IFTAP: variants seen among roughly 807,000 people sequenced by gnomAD.
IFTAP encodes intraflagellar transport-associated protein.
In IFTAP, 19 loss-of-function variants were observed where a neutral mutation model predicts 19.4. That is an observed-to-expected ratio of 0.98 (90% confidence interval 0.68 to 1.44). IFTAP has a LOEUF of 1.44. IFTAP is among the 40% of genes most tolerant of loss of function. The pLI, the probability that IFTAP is intolerant of heterozygous loss-of-function variation, is 0.00. For missense variants in IFTAP, 240 were observed against 253.6 expected, an observed-to-expected ratio of 0.95 and a Z score of 0.36; for synonymous variants, 85 against 83.5, an observed-to-expected ratio of 1.02 and a Z score of -0.10.
chr11:36,606,625 GA>G (rs149475620), intron 1 of IFTAP, among the ~76,000 whole-genome samples: 6,222 of 152,208 alleles, frequency 0.041, 415 homozygotes, highest in African/African-American at 0.14. Flanking sequence ...TTAAGAAGTG[GA>G]AAAGAAGGTT....
chr11:36,616,333 A>G (rs936737247), intron 2 of IFTAP, among the ~76,000 whole-genome samples: 2 of 151,792 alleles, frequency 1.3e-5, no homozygotes, highest in Admixed American at 1.3e-4. Context: ...TCTTTATGCT[A>G]TTCTCATTTC....
chr11:36,657,637 C>A (rs1476115981), intron 5 of IFTAP, among the ~76,000 whole-genome samples: 1 of 152,128 alleles, frequency 6.6e-6, no homozygotes, highest in Non-Finnish European at 1.5e-5. Flanking sequence ...TACCCTGGAT[C>A]CAAATATTGC....
intron 4 of IFTAP, among the ~76,000 whole-genome samples, chr11:36,644,865 G>A (rs1168768824): frequency 7.8e-6 from 1 of 127,486 alleles, no homozygotes; most frequent in African/African-American, 2.9e-5. Flanking sequence ...TGGGGGGAGG[G>A]GGAGGGATAG....
chr11:36,600,107 A>G (rs1192192484), intron 1 of IFTAP, among the ~76,000 whole-genome samples: 1 of 152,252 alleles, frequency 6.6e-6, no homozygotes, highest in African/African-American at 2.4e-5. Context: ...CTATACCATT[A>G]GGAGAGCATT....
In IFTAP at chr11:36,657,118, A is replaced by G. The variant is rs141553071; in HGVS notation, c.499-1901A>G. On this transcript the variant is annotated intron_variant, in intron 5 of 5. Coordinates refer to ENST00000334307, the MANE Select transcript of IFTAP (RefSeq NM_138787.4). The stretch of plus-strand genomic sequence containing the variant: ...GGCATGAAAGGGCAGCAAAATTCCC[A>G]TCAGACTGAATATATTGGTGGAAAC... 2.1e-3 allele frequency among the ~76,000 whole-genome samples: 315 copies of G among 152,296 alleles called. 2 individuals carry two copies. The highest frequency in any genetic ancestry group is 6.8e-3 in the African/African-American group (283 of 41,574).
At chr11:36,656,568 TA>T (rs202140471) in intron 5 of IFTAP, among the ~76,000 whole-genome samples, 16,460 of 148,072 alleles carry the variant, frequency 0.11, 1,008 homozygotes, top group African/African-American at 0.16. Context: ...AGTCTCTGTT[TA>T]AAAAAAAAAA....
At chr11:36,634,937 TC>T (rs1297686898) in intron 3 of IFTAP, among the ~76,000 whole-genome samples, 2 of 152,028 alleles carry the variant, frequency 1.3e-5, no homozygotes, top group Non-Finnish European at 2.9e-5. Context: ...ATGACTCCAG[TC>T]CCCATTAGCA....
chr11:36,655,338 C>T (rs192611457), intron 5 of IFTAP, among the ~76,000 whole-genome samples: 19 of 152,304 alleles, frequency 1.2e-4, no homozygotes, highest in East Asian at 1.2e-3. Flanking sequence ...TGTTCCAAGA[C>T]GCCTTCTCTG....
chr11:36,617,219 A>T (rs1488088666), intron 2 of IFTAP, among the ~76,000 whole-genome samples: 1 of 148,300 alleles, frequency 6.7e-6, no homozygotes, highest in Non-Finnish European at 1.5e-5. Context: ...ATTTATTTGT[A>T]TATTTATTTT....
intron 2 of IFTAP, 138 bp downstream of exon 2, chr11:36,610,377 AC>A: frequency 5.3e-6 from 4 of 756,094 alleles, no homozygotes; most frequent in South Asian, 2.0e-5. Context: ...TTACTAGGGC[AC>A]TCGTGACTGA....
intron 2 of IFTAP, among the ~76,000 whole-genome samples, chr11:36,611,613 T>G (rs188398500): frequency 1.1e-4 from 16 of 152,244 alleles, no homozygotes; most frequent in Non-Finnish European, 1.8e-4. Flanking sequence ...AATATGATTC[T>G]AACCTGTTTC....
intron 1 of IFTAP, among the ~76,000 whole-genome samples, chr11:36,599,553 C>T (rs1274713558): frequency 6.6e-6 from 1 of 151,976 alleles, no homozygotes; most frequent in Non-Finnish European, 1.5e-5. Context: ...TAAATCTTAC[C>T]TAATGATGAA....
At chr11:36,643,792 C>T (rs1853340702) in intron 4 of IFTAP, among the ~76,000 whole-genome samples, 1 of 152,066 alleles carries the variant, frequency 6.6e-6, no homozygotes, top group African/African-American at 2.4e-5. Flanking sequence ...ACTGGCTAGC[C>T]ATATGTGGAA....
chr11:36,602,870 C>T (rs1476213338), intron 1 of IFTAP, among the ~76,000 whole-genome samples: 1 of 151,778 alleles, frequency 6.6e-6, no homozygotes, highest in Non-Finnish European at 1.5e-5. Flanking sequence ...AAAAGGCATT[C>T]TTTTTGATTT....
chr11:36,636,873 G>A (rs1486946909), intron 4 of IFTAP, among the ~76,000 whole-genome samples: 1 of 151,198 alleles, frequency 6.6e-6, no homozygotes, highest in African/African-American at 2.4e-5. Context: ...GATAGGCATA[G>A]GTATCCTTTG....
At chr11:36,636,178 T>C in intron 4 of IFTAP, 61 bp downstream of exon 4, 4 of 1,283,126 alleles carry the variant, frequency 3.1e-6, no homozygotes, top group South Asian at 1.3e-5. Context: ...CAAATAAGGC[T>C]TTAGACAGCT....
intron 2 of IFTAP, among the ~76,000 whole-genome samples, chr11:36,616,754 A>G (rs1423692844): frequency 6.6e-6 from 1 of 151,984 alleles, no homozygotes; most frequent in Non-Finnish European, 1.5e-5. Context: ...ACAGGCCTGC[A>G]CTGTCCAACA....
In IFTAP at chr11:36,596,211, G is replaced by GTTTTTTTT. The variant is rs1243664769; in HGVS notation, c.-24+1622_-24+1629dup. 2.1e-4 allele frequency among the ~76,000 whole-genome samples: 21 copies of GTTTTTTTT among 101,112 alleles called. 1 individual carries two copies. The highest frequency in any genetic ancestry group is 3.5e-4 in the South Asian group (1 of 2,818). 66.3% of individuals were successfully genotyped at this position (101,112 alleles called of 152,430 possible). A position where few individuals can be genotyped will look rare whatever the true frequency, so the allele number is the denominator to read the frequency against. ...CTGGTCACTCTAATGAGATGGTAGT[G>GTTTTTTTT]TTTTTTTTTTGTTTTTTTTTTTTTT... On this transcript the variant is annotated intron_variant, in intron 1 of 5. Transcript: ENST00000334307.
At chr11:36,644,615 A>G (rs551832333) in intron 4 of IFTAP, among the ~76,000 whole-genome samples, 1 of 152,268 alleles carries the variant, frequency 6.6e-6, no homozygotes, top group South Asian at 2.1e-4. Flanking sequence ...TCCAACAATG[A>G]TAGACTGGAT....
Sources: allele counts gnomAD v4.1 joint callset (sites outside exome capture counted in the v4.1 genomes callset), GRCh38; gene constraint gnomAD v4.1.1; transcripts MANE v1.5; gene names NCBI Gene and HGNC (gene_info 2026-07-23, HGNC 2026-07-21).